Variants in DDX6 observed in about 807,000 individuals in gnomAD.
The protein encoded by DDX6 is DEAD-box helicase 6.
DDX6 carries 7 observed loss-of-function variants against 60.6 expected under a neutral mutation model. The observed-to-expected ratio is 0.12, with a 90% CI of 0.07 to 0.22. The LOEUF (loss-of-function observed/expected upper bound fraction) is 0.22. Ranked by LOEUF, DDX6 falls within the 10% of genes least tolerant of loss-of-function variation. DDX6 has a pLI of 1.00. For missense variants in DDX6, 270 were observed against 589.9 expected (o/e 0.46, Z 5.62); for synonymous variants, 207 against 201.0 (o/e 1.03, Z -0.25).
chr11:118,768,470 A>G, intron 4 of DDX6, 118 bp from the exon 5 acceptor site: 1 of 1,032,594 alleles, frequency 9.7e-7, no homozygotes, highest in Non-Finnish European at 1.4e-6. Flanking sequence ...TAAGTATCCT[A>G]CATTTGAATT....
chr11:118,791,290 A>T (rs1862271433), upstream of DDX6: 1 of 151,894 alleles, frequency 6.6e-6, no homozygotes, highest in Non-Finnish European at 1.5e-5. Context: ...CCGCGGCTAT[A>T]TTCGCCGCGG....
At chr11:118,786,710 A>C (rs973211487) in intron 1 of DDX6, 192 bp from the exon 2 acceptor site, 10 of 163,224 alleles carry the variant, frequency 6.1e-5, no homozygotes, top group Non-Finnish European at 1.1e-4. Flanking sequence ...AATGAGGCCA[A>C]TATCAAACAT....
chr11:118,758,755 G>A lies in DDX6; in HGVS notation c.993+19C>T, dbSNP rs1555159549. ...GGGACTCGAGAGATAATATTCAACA[G>A]CAGAAGCCTACTTCTTACCCTGGAG... is the stretch of plus-strand genomic sequence containing the variant. On this transcript the variant is annotated intron_variant, in intron 9 of 13. Transcript: ENST00000534980. 1 of 1,611,916 alleles carries A rather than the reference G, an allele frequency of 6.2e-7. No homozygotes were observed. The highest frequency in any genetic ancestry group is 8.5e-7 in the Non-Finnish European group (1 of 1,179,070).
intron 4 of DDX6, 66 bp downstream of exon 4, chr11:118,779,566 G>T (rs1861819405): frequency 1.9e-6 from 2 of 1,077,392 alleles, no homozygotes; most frequent in Non-Finnish European, 2.7e-6. Flanking sequence ...CTTCTGCAGA[G>T]CAAAAAGAAA....
At position 118,750,219 on chromosome 11, in the gene DDX6, C is replaced by T. The variant is rs1860712182; in HGVS notation, c.*1886G>A. 1.3e-5 allele frequency: 2 copies of T among 151,916 alleles called. No individual in the cohort carries two copies. Among genetic ancestry groups the T allele is most frequent in the South Asian group, 4.2e-4 (2 of 4,800 alleles). 9.4% of individuals were successfully genotyped at this position (151,916 alleles called of 1,614,324 possible). On this transcript the variant is annotated 3_prime_UTR_variant, in exon 14 of 14. Transcript: ENST00000534980. ...TTTTTCCCCCCCTTTCCAGATGCCT[C>T]CTGATTGACCTAGTACACTGGGTTA...
chr11:118,764,817 A>AT (rs553618618), intron 6 of DDX6, among the ~76,000 whole-genome samples: 263 of 20,364 alleles, frequency 0.013, 3 homozygotes, highest in South Asian at 0.084. Context: ...AAAAAAAAAA[A>AT]ATATACACAC....
At chr11:118,764,991 AATT>A (rs1316123470) in intron 6 of DDX6, among the ~76,000 whole-genome samples, 1 of 152,162 alleles carries the variant, frequency 6.6e-6, no homozygotes, top group African/African-American at 2.4e-5. Context: ...AAACAGGTAA[AATT>A]ATTATAAACT....
chr11:118,791,077 C>A (rs986935025), intron 1 of DDX6, 21 bp downstream of exon 1: 1 of 151,614 alleles, frequency 6.6e-6, no homozygotes, highest in African/African-American at 2.4e-5. Context: ...GCCGCCGGCT[C>A]CCCCGGCTGT....
intron 9 of DDX6, 103 bp downstream of exon 9, chr11:118,758,671 A>G: frequency 7.1e-7 from 1 of 1,407,944 alleles, no homozygotes; most frequent in Non-Finnish European, 9.6e-7. Context: ...AGCCAGAAAC[A>G]CTACGAACTT....
chr11:118,780,114 CAA>C (rs71044492), intron 3 of DDX6, among the ~76,000 whole-genome samples: 841 of 40,116 alleles, frequency 0.021, no homozygotes, highest in Non-Finnish European at 0.022. Flanking sequence ...GACTCTATCT[CAA>C]AAAAAAAAAA....
intron 4 of DDX6, among the ~76,000 whole-genome samples, chr11:118,776,630 C>G (rs567944740): frequency 9.9e-5 from 15 of 152,076 alleles, no homozygotes; most frequent in African/African-American, 3.1e-4. Flanking sequence ...GTCAGGAGAT[C>G]GAGACCATCC....
intron 3 of DDX6, 101 bp downstream of exon 3, chr11:118,781,020 G>T: frequency 1.3e-6 from 1 of 742,414 alleles, no homozygotes; most frequent in Non-Finnish European, 2.4e-6. Flanking sequence ...TGGCAGTGGT[G>T]TTATGGTCCT....
In DDX6 at chr11:118,781,105, T is replaced by C; in HGVS notation, c.264+16A>G. 1 of 1,570,228 alleles carries C rather than the reference T, an allele frequency of 6.4e-7. No homozygotes were observed. The highest frequency in any genetic ancestry group is 1.1e-5 in the South Asian group (1 of 87,930). On this transcript the variant is annotated intron_variant, in intron 3 of 13. Coordinates refer to ENST00000534980, the MANE Select transcript of DDX6 (RefSeq NM_004397.6). ...TTCCCCACCATTATTCTACTTGTAT[T>C]TTACAACCAACTTACCGAAGTTTTG...
chr11:118,781,074 T>C (rs1555164595), intron 3 of DDX6, 47 bp downstream of exon 3: 1 of 1,339,310 alleles, frequency 7.5e-7, no homozygotes, highest in South Asian at 1.2e-5. Context: ...TATACCTCAC[T>C]TCTAGTTCCC....
chr11:118,760,752 C>T (rs993337616), intron 7 of DDX6, among the ~76,000 whole-genome samples: 17 of 144,816 alleles, frequency 1.2e-4, no homozygotes, highest in Non-Finnish European at 8.9e-5. Flanking sequence ...ACTTGGGAGG[C>T]GGACGCTGCA....
chr11:118,760,183 C>G, intron 7 of DDX6, 139 bp from the exon 8 acceptor site: 1 of 824,454 alleles, frequency 1.2e-6, no homozygotes, highest in South Asian at 1.9e-5. Context: ...AAATTCTCTC[C>G]AACACTGCAG....
intron 13 of DDX6, among the ~76,000 whole-genome samples, chr11:118,752,775 C>T (rs1262783820): frequency 5.3e-5 from 8 of 152,052 alleles, no homozygotes; most frequent in Non-Finnish European, 8.8e-5. Context: ...GCATTTCTAA[C>T]TAGAGCCCAA....
chr11:118,753,937 A>C (rs1444826549), intron 13 of DDX6, among the ~76,000 whole-genome samples: 1 of 152,012 alleles, frequency 6.6e-6, no homozygotes, highest in Non-Finnish European at 1.5e-5. Context: ...TCTACTAAAA[A>C]ATACAAAAAT....
chr11:118,773,698 T>A (rs1861609706), intron 4 of DDX6, among the ~76,000 whole-genome samples: 1 of 151,538 alleles, frequency 6.6e-6, no homozygotes, highest in Non-Finnish European at 1.5e-5. Flanking sequence ...TAATTATATC[T>A]CTAATTTAGG....
Sources: gnomAD v4.1 joint callset for allele counts (sites outside exome capture counted in the v4.1 genomes callset) on GRCh38, gnomAD v4.1.1 for gene constraint, MANE v1.5 for transcripts, NCBI Gene and HGNC (gene_info 2026-07-23, HGNC 2026-07-21) for gene names.